Variants in ZNF362 observed in about 807,000 individuals in gnomAD.
The protein encoded by ZNF362 is zinc finger protein 362.
In ZNF362, 11 loss-of-function variants were observed where a neutral mutation model predicts 42.9. That is an observed-to-expected ratio of 0.26 (90% CI 0.16 to 0.42). ZNF362 has a LOEUF of 0.42. Ranked by LOEUF, ZNF362 falls within the 20% of genes least tolerant of loss-of-function variation. The pLI is 1.00. For synonymous variants in ZNF362, 255 were observed against 257.3 expected, an observed-to-expected ratio of 0.99 and a Z score of 0.09; for missense variants, 362 against 576.2, an observed-to-expected ratio of 0.63 and a Z score of 3.81.
At chr1:33,137,749 C>T in the ZNF362 span, among the ~76,000 whole-genome samples, 8 of 152,176 alleles carry the variant, frequency 5.3e-5, no homozygotes, top group Non-Finnish European at 8.8e-5. Flanking sequence ...CTTGGCCCAC[C>T]TCTGATACCT....
chr1:33,161,280 CAG>C, the ZNF362 span, among the ~76,000 whole-genome samples: 1 of 152,128 alleles, frequency 6.6e-6, no homozygotes, highest in Non-Finnish European at 1.5e-5. This position sits in a 1 kb window ranked among gnomAD's most constrained non-coding sequence, Gnocchi z 4.3. Context: ...AGTTGGGGGT[CAG>C]GGGAACAGGC....
At chr1:33,282,721 C>T (rs923264253) in intron 6 of ZNF362, among the ~76,000 whole-genome samples, 17 of 151,580 alleles carry the variant, frequency 1.1e-4, no homozygotes, top group African/African-American at 3.4e-4. Context: ...ACTTGGGAGG[C>T]TTAGGCAGGA....
At chr1:33,282,882 C>T (rs1372682776) in intron 6 of ZNF362, among the ~76,000 whole-genome samples, 1 of 150,888 alleles carries the variant, frequency 6.6e-6, no homozygotes, top group Non-Finnish European at 1.5e-5. Context: ...AAGACTGGCT[C>T]ACCAAATAAA....
At chr1:33,138,626 C>CAAAAAAAAAAAAAAAAAAAAA in the ZNF362 span, among the ~76,000 whole-genome samples, 1 of 66,096 alleles carries the variant, frequency 1.5e-5, no homozygotes, top group Non-Finnish European at 3.5e-5. Context: ...ACAACAACAA[C>CAAAAAAAAAAAAAAAAAAAAA]AAAAAAAAAA....
the ZNF362 span, chr1:33,165,951 C>T: frequency 1.0e-4 from 16 of 160,250 alleles, no homozygotes; most frequent in African/African-American, 2.4e-4. The surrounding 1 kb of genome is among the most constrained non-coding windows in gnomAD (Gnocchi z 4.0). Flanking sequence ...GGAACCTGGA[C>T]GCACAGCAGG....
intron 8 of ZNF362, among the ~76,000 whole-genome samples, chr1:33,298,460 C>T (rs4440822): frequency 0.17 from 26,468 of 152,190 alleles, 2,751 homozygotes; most frequent in South Asian, 0.27. Context: ...GTTGTTCCTC[C>T]CCTATGCCTG....
chr1:33,176,855 A>T, the ZNF362 span, among the ~76,000 whole-genome samples: 8 of 152,212 alleles, frequency 5.3e-5, no homozygotes, highest in Non-Finnish European at 1.2e-4. Context: ...GGGTGCTATG[A>T]AGATTAAATG....
the ZNF362 span, among the ~76,000 whole-genome samples, chr1:33,183,498 G>A: frequency 6.6e-6 from 1 of 152,184 alleles, no homozygotes; most frequent in Non-Finnish European, 1.5e-5. Flanking sequence ...AGTGACCCAA[G>A]GAAGGCTGAC....
At chr1:33,166,704 C>T in the ZNF362 span, among the ~76,000 whole-genome samples, 6 of 152,200 alleles carry the variant, frequency 3.9e-5, no homozygotes, top group African/African-American at 9.6e-5. Context: ...CCAGGTGACA[C>T]GTTTTCTACC....
At chr1:33,291,017 C>A (rs1434043275) in intron 6 of ZNF362, among the ~76,000 whole-genome samples, 1 of 152,088 alleles carries the variant, frequency 6.6e-6, no homozygotes, top group Non-Finnish European at 1.5e-5. Flanking sequence ...TGTAGGTTGC[C>A]TGTTCACTCT....
chr1:33,249,167 A>G, the ZNF362 span, among the ~76,000 whole-genome samples: 1 of 152,238 alleles, frequency 6.6e-6, no homozygotes, highest in Non-Finnish European at 1.5e-5. Context: ...TGTGAGCCAC[A>G]TGGTGGGTGA....
the ZNF362 span, chr1:33,146,364 TCA>T: frequency 6.1e-6 from 1 of 163,974 alleles, no homozygotes; most frequent in African/African-American, 2.4e-5. Context: ...CCCTAGCAGG[TCA>T]CAGAGGCCTG....
chr1:33,283,218 C>T (rs1033636234), intron 6 of ZNF362, among the ~76,000 whole-genome samples: 7 of 152,072 alleles, frequency 4.6e-5, no homozygotes, highest in Admixed American at 1.3e-4. Context: ...ACCTCTGCCT[C>T]CTCAGCTTCC....
chr1:33,191,758 A>G, the ZNF362 span, among the ~76,000 whole-genome samples: 116,495 of 152,136 alleles, frequency 0.77, 44,611 homozygotes, highest in Non-Finnish European at 0.79. Flanking sequence ...ACCTGCCTCA[A>G]CCTCCCAAAG....
chr1:33,190,819 G>A, the ZNF362 span, among the ~76,000 whole-genome samples: 1 of 152,198 alleles, frequency 6.6e-6, no homozygotes, highest in Non-Finnish European at 1.5e-5. Flanking sequence ...GGAGGGAATT[G>A]ATGTCGCAGC....
At chr1:33,251,766 T>A (rs4653346), upstream of ZNF362, among the ~76,000 whole-genome samples, 151,253 of 152,338 alleles carry the variant, frequency 0.99, 75,097 homozygotes, top group Middle Eastern at 1. Context: ...GTCAGCTTAA[T>A]TGTCCCTTAC....
rs1458338556 is a variant in ZNF362, at chr1:33,276,341, C to T, written c.103-7C>T. The T allele has an allele frequency of 1.9e-6, 3 of 1,548,800 alleles. No homozygotes were observed. Among genetic ancestry groups the T allele is most frequent in the East Asian group, 2.4e-5 (1 of 41,076 alleles). On this transcript the variant is annotated splice_polypyrimidine_tract_variant and splice_region_variant and intron_variant, in intron 3 of 8. Transcript: ENST00000539719. ...GACCTCCTCAGCCCGTCCTCTTCTT[C>T]CCGCAGCTGGACAACCTGGTTCTGA...
At chr1:33,288,566 C>G (rs547393759) in intron 6 of ZNF362, among the ~76,000 whole-genome samples, 1 of 151,526 alleles carries the variant, frequency 6.6e-6, no homozygotes, top group Admixed American at 6.6e-5. Flanking sequence ...TGGTCTTGAA[C>G]CATGGTGGTC....
chr1:33,282,988 G>A (rs1646007308), intron 6 of ZNF362, among the ~76,000 whole-genome samples: 2 of 152,164 alleles, frequency 1.3e-5, no homozygotes, highest in African/African-American at 4.8e-5. Flanking sequence ...ACATGACGAT[G>A]ATCATCTGTG....
Sources: allele counts gnomAD v4.1 joint callset (sites outside exome capture counted in the v4.1 genomes callset), GRCh38; gene constraint gnomAD v4.1.1; non-coding constraint Gnocchi (gnomAD v3.1); transcripts MANE v1.5; gene names NCBI Gene and HGNC (gene_info 2026-07-23, HGNC 2026-07-21).